DEPDC7: variants seen among roughly 807,000 people sequenced by gnomAD.
The protein encoded by DEPDC7 is DEP domain containing 7.
In DEPDC7, 41 loss-of-function variants were observed where a neutral mutation model predicts 56.6. The observed-to-expected ratio is 0.72, with a 90% confidence interval of 0.56 to 0.94. The LOEUF (loss-of-function observed/expected upper bound fraction) is 0.94. DEPDC7 is among the 40% of genes least tolerant of loss of function. DEPDC7 has a pLI of 0.00. For synonymous variants in DEPDC7, 185 were observed against 208.8 expected (o/e 0.89, Z 0.98); for missense variants, 522 against 596.3 (o/e 0.88, Z 1.30).
chr11:33,021,897 T>A (rs1298346799), intron 1 of DEPDC7, among the ~76,000 whole-genome samples: 1 of 152,172 alleles, frequency 6.6e-6, no homozygotes, highest in Admixed American at 6.5e-5. Flanking sequence ...AAATTTATTC[T>A]TTACCTCTTA....
intron 4 of DEPDC7, among the ~76,000 whole-genome samples, chr11:33,029,438 G>C (rs191942643): frequency 1.3e-5 from 2 of 148,776 alleles, no homozygotes; most frequent in Non-Finnish European, 3.0e-5. Flanking sequence ...GTTGCAGTGA[G>C]CTGAGATCAT....
rs185246718 is a variant in DEPDC7, at chr11:33,029,296, G to A, written c.782+504G>A. On this transcript the variant is annotated intron_variant, in intron 4 of 8. Transcript: ENST00000241051. ...GTGGATCACTTGAGGTCAGGAGTGC[G>A]AGGCCAGCCTGGCCGACATGGTAAA... Among the ~76,000 whole-genome samples, 4 of 151,662 alleles carry A rather than the reference G, an allele frequency of 2.6e-5. No individual in the cohort carries two copies. The East Asian group carries it at 7.7e-4, about 29-fold the overall frequency.
chr11:33,026,358 A>G (rs1199458872), intron 2 of DEPDC7: 1 of 334,772 alleles, frequency 3.0e-6, no homozygotes, highest in African/African-American at 2.1e-5. Flanking sequence ...AGAGAAACCC[A>G]GATTGCGGTG....
At chr11:33,025,631 A>G in intron 1 of DEPDC7, 28 bp from the exon 2 acceptor site, 1 of 1,578,518 alleles carries the variant, frequency 6.3e-7, no homozygotes, top group South Asian at 1.2e-5. Flanking sequence ...ACTAAATCCC[A>G]GTTTCTCTAT....
intron 1 of DEPDC7, among the ~76,000 whole-genome samples, chr11:33,025,165 G>C (rs533684431): frequency 3.9e-5 from 6 of 152,092 alleles, no homozygotes; most frequent in African/African-American, 1.4e-4. Context: ...CTGGCTGTGC[G>C]GACCTCCCTC....
chr11:33,020,859 G>T (rs980252633), intron 1 of DEPDC7, among the ~76,000 whole-genome samples: 1 of 152,206 alleles, frequency 6.6e-6, no homozygotes, highest in East Asian at 1.9e-4. Flanking sequence ...TTTATCAGTA[G>T]ATAAAGAAAC....
intron 1 of DEPDC7, 126 bp downstream of exon 1, chr11:33,016,154 A>T: frequency 8.1e-7 from 1 of 1,233,510 alleles, no homozygotes; most frequent in African/African-American, 1.6e-5. Context: ...CGGCTGGGCG[A>T]GCACAGCACA....
chr11:33,033,503 T>C lies in DEPDC7; in HGVS notation c.*48T>C. The C allele has an allele frequency of 8.1e-7, 1 of 1,227,106 alleles. No individual in the cohort carries two copies. Among genetic ancestry groups the C allele is most frequent in the Non-Finnish European group, 1.1e-6 (1 of 895,498 alleles). 76.0% of individuals were successfully genotyped at this position (1,227,106 alleles called of 1,614,324 possible). On this transcript the variant is annotated 3_prime_UTR_variant, in exon 9 of 9. Transcript: ENST00000241051. ...TTGTGTATTTTAAGAATAAATTATG[T>C]ATCCTAAATATCCAATCACATTTGT...
Position 33,032,405 on chromosome 11 carries a change from G to C in DEPDC7, c.1064G>C (p.Arg355Thr). 2 of 1,580,322 alleles carry C rather than the reference G, an allele frequency of 1.3e-6. No homozygotes were observed. Among genetic ancestry groups the C allele is most frequent in the South Asian group, 2.4e-5 (2 of 84,602 alleles). ...CTAAAGCTTTTAGATTTCCAAAATA[G>C]AGAAGAATTTAGAAGACTACTGTAT... is the stretch of plus-strand genomic sequence containing the variant. ...LLLKLLDFQN[R>T]EEFRRLLYFM... The change falls in exon 6 of 9, where the codon AGA (arginine) becomes ACA (threonine). Residue 355 changes from arginine to threonine, a missense_variant. Coordinates refer to ENST00000241051, the MANE Select transcript of DEPDC7 (RefSeq NM_001077242.2).
In DEPDC7 at chr11:33,021,249, CA is replaced by C. The variant is rs761364901; in HGVS notation, c.74-4397del. ...CTGGCGACAGAGTGAGACACCATCT[CA>C]AAAAAAAAAAAAGAAAAAAAAGAAA... On this transcript the variant is annotated intron_variant, in intron 1 of 8. Transcript: ENST00000241051. Among the ~76,000 whole-genome samples the C allele has an allele frequency of 5.2e-3, 606 of 115,690 alleles. 1 individual carries two copies. Among genetic ancestry groups the C allele is most frequent in the Non-Finnish European group, 6.2e-3 (345 of 55,662 alleles). 75.9% of individuals were successfully genotyped at this position (115,690 alleles called of 152,430 possible).
At chr11:33,022,629 C>G (rs1421601014) in intron 1 of DEPDC7, among the ~76,000 whole-genome samples, 1 of 152,124 alleles carries the variant, frequency 6.6e-6, no homozygotes, top group East Asian at 1.9e-4. Context: ...TTTATAATCT[C>G]TGGTATTTTA....
Position 33,025,893 on chromosome 11 carries a change from T to TG in DEPDC7, c.310dup (p.Asp104GlyfsTer6). On this transcript the variant is annotated frameshift_variant, in exon 2 of 9. Transcript: ENST00000241051. LOFTEE classifies it high-confidence loss of function. ...GTGGTGAGAGTGTGTCAAGCGCTTA[T>TG]GGACTACAAAGTATTTGAAGCAGTT... 6.2e-7 allele frequency: 1 copy of TG among 1,614,204 alleles called. No individual in the cohort carries two copies. The highest frequency in any genetic ancestry group is 8.5e-7 in the Non-Finnish European group (1 of 1,180,038).
At chr11:33,033,006 C>G (rs569339961) in intron 8 of DEPDC7, 39 bp downstream of exon 8, 2 of 1,459,910 alleles carry the variant, frequency 1.4e-6, no homozygotes, top group South Asian at 2.5e-5. Flanking sequence ...CTTCCAAAGA[C>G]AAATTTCAGG....
At chr11:33,029,455 G>T (rs1356248036) in intron 4 of DEPDC7, among the ~76,000 whole-genome samples, 1 of 139,912 alleles carries the variant, frequency 7.1e-6, no homozygotes, top group Non-Finnish European at 1.5e-5. Flanking sequence ...TCATGTTGCT[G>T]CATTCCAGCC....
intron 1 of DEPDC7, among the ~76,000 whole-genome samples, chr11:33,023,608 A>G (rs1176740823): frequency 6.6e-6 from 1 of 152,108 alleles, no homozygotes; most frequent in Non-Finnish European, 1.5e-5. Context: ...ATCTTGGCTT[A>G]CTGCAACCTC....
chr11:33,032,391 A>C lies in DEPDC7; in HGVS notation c.1050A>C (p.Leu350Phe), dbSNP rs1853641700. 1.3e-6 allele frequency: 2 copies of C among 1,579,968 alleles called. No individual in the cohort carries two copies. The highest frequency in any genetic ancestry group is 8.5e-7 in the Non-Finnish European group (1 of 1,171,314). Reference protein sequence around the residue: ...LEATQLLLKLLDFQNREEFRR... With the variant: ...LEATQLLLKLFDFQNREEFRR... Reference sequence around the variant, plus strand: ...CTACCCAGCTCCTTCTAAAGCTTTTAGATTTCCAAAATAGAGAAGAATTTA... The same window carrying C: ...CTACCCAGCTCCTTCTAAAGCTTTTCGATTTCCAAAATAGAGAAGAATTTA... The change falls in exon 6 of 9, where the codon TTA (leucine) becomes TTC (phenylalanine). Residue 350 changes from leucine to phenylalanine, a missense_variant. By Grantham distance (22) the Leu-to-Phe change is conservative. Coordinates refer to ENST00000241051, the MANE Select transcript of DEPDC7 (RefSeq NM_001077242.2).
chr11:33,019,736 T>C (rs1341808623), intron 1 of DEPDC7, among the ~76,000 whole-genome samples: 1 of 152,172 alleles, frequency 6.6e-6, no homozygotes, highest in Non-Finnish European at 1.5e-5. Context: ...GACTAACCAA[T>C]TGTATTATAT....
At chr11:33,029,489 CAAAAAA>C (rs10610753) in intron 4 of DEPDC7, among the ~76,000 whole-genome samples, 1 of 93,226 alleles carries the variant, frequency 1.1e-5, no homozygotes, top group African/African-American at 4.1e-5. Context: ...GAGAATGTCT[CAAAAAA>C]AAAAAAAAAA....
At chr11:33,019,147 T>C (rs1457382488) in intron 1 of DEPDC7, among the ~76,000 whole-genome samples, 1 of 152,178 alleles carries the variant, frequency 6.6e-6, no homozygotes, top group Non-Finnish European at 1.5e-5. Context: ...AGTTTCCATG[T>C]CTGAACAGTA....
Sources: gnomAD v4.1 joint callset for allele counts (sites outside exome capture counted in the v4.1 genomes callset) on GRCh38, gnomAD v4.1.1 for gene constraint, MANE v1.5 for transcripts, NCBI Gene and HGNC (gene_info 2026-07-23, HGNC 2026-07-21) for gene names.